Variants in C3orf20 observed in about 807,000 individuals in gnomAD.
The protein encoded by C3orf20 is uncharacterized protein C3orf20.
A neutral mutation model predicts 88.3 loss-of-function variants in C3orf20; 76 were observed. That is an observed-to-expected ratio of 0.86 (90% CI 0.72 to 1.04). The LOEUF (loss-of-function observed/expected upper bound fraction) is 1.04, where lower values mean the gene tolerates loss of function less well. Among genes scored for constraint, C3orf20 ranks in the 50% least tolerant of loss-of-function variants. The pLI, the probability that C3orf20 is intolerant of heterozygous loss-of-function variation, is 0.00. For missense variants in C3orf20, 1,056 were observed against 1,123.3 expected (o/e 0.94, Z 0.86); for synonymous variants, 436 against 437.4 (o/e 1.00, Z 0.04).
chr3:14,685,656 T>C (rs185516683), intron 4 of C3orf20, among the ~76,000 whole-genome samples: 11 of 152,230 alleles, frequency 7.2e-5, no homozygotes. Context: ...TTGACTAATA[T>C]CTTCCCACTC....
rs1412645678 is a variant in C3orf20, at chr3:14,719,026, AG to A, written c.1435-2626del. 2.6e-5 allele frequency among the ~76,000 whole-genome samples: 4 copies of A among 152,264 alleles called. No homozygotes were observed. In the East Asian group the frequency reaches 7.7e-4, roughly 29 times the overall value. On this transcript the variant is annotated intron_variant, in intron 9 of 16. Coordinates refer to ENST00000253697, the MANE Select transcript of C3orf20 (RefSeq NM_032137.5). ...TGACTGTGGCCTGCCTTCAGGCTAA[AG>A]CCGTAAACCTTATCCCATGCTGCTC...
rs548337012 is a variant in C3orf20, at chr3:14,714,299, G to A, written c.1313+140G>A. On this transcript the variant is annotated intron_variant, in intron 8 of 16. Coordinates refer to ENST00000253697, the MANE Select transcript of C3orf20 (RefSeq NM_032137.5). The stretch of plus-strand genomic sequence containing the variant: ...AGATCTAGTAAGGCAGTGAGGCAGG[G>A]CTGAGGCTGTTTCTGCAGGGACATA... 69 of 903,438 alleles carry A rather than the reference G, an allele frequency of 7.6e-5. No individual in the cohort carries two copies. In the South Asian group the frequency reaches 8.9e-4, roughly 12 times the overall value. 56.0% of individuals were successfully genotyped at this position (903,438 alleles called of 1,614,324 possible). A position where few individuals can be genotyped will look rare whatever the true frequency, so the allele number is the denominator to read the frequency against.
rs186230468 is a variant in C3orf20, at chr3:14,746,971, C to A, written c.1941-10400C>A. On this transcript the variant is annotated intron_variant, in intron 12 of 16. Coordinates refer to ENST00000253697, the MANE Select transcript of C3orf20 (RefSeq NM_032137.5). ...CCTAAGGGCAATTAACTAAACAAAT[C>A]AAAGGACAATGGGGGAACTGGGAAC... Among the ~76,000 whole-genome samples, 35 of 152,278 alleles carry A rather than the reference C, an allele frequency of 2.3e-4. No homozygotes were observed. The East Asian group carries it at 6.2e-3, about 27-fold the overall frequency.
chr3:14,746,695 A>C (rs1283449609), intron 12 of C3orf20, among the ~76,000 whole-genome samples: 1 of 152,172 alleles, frequency 6.6e-6, no homozygotes, highest in African/African-American at 2.4e-5. Context: ...GACACAATTG[A>C]GCAACAAAGA....
At chr3:14,690,197 G>A in intron 5 of C3orf20, 81 bp downstream of exon 5, 1 of 1,588,960 alleles carries the variant, frequency 6.3e-7, no homozygotes, top group Non-Finnish European at 8.6e-7. Context: ...CCCTGTGTAG[G>A]TTGGTGGGAT....
At chr3:14,688,050 G>A (rs921349091) in intron 4 of C3orf20, among the ~76,000 whole-genome samples, 1 of 152,168 alleles carries the variant, frequency 6.6e-6, no homozygotes, top group Non-Finnish European at 1.5e-5. Context: ...AAACGAAGGA[G>A]TGATCCATTT....
chr3:14,757,296 G>A (rs2035401809), intron 12 of C3orf20, 75 bp from the exon 13 acceptor site: 1 of 1,324,298 alleles, frequency 7.6e-7, no homozygotes, highest in Admixed American at 2.3e-5. Context: ...TGACCAGCAG[G>A]AGCCAGGGGG....
intron 7 of C3orf20, among the ~76,000 whole-genome samples, chr3:14,708,233 AT>A (rs1226283623): frequency 1.3e-5 from 2 of 152,162 alleles, no homozygotes; most frequent in Admixed American, 1.3e-4. Context: ...TTTCCTTTGC[AT>A]GTGGATAGCT....
chr3:14,713,930 T>G, intron 7 of C3orf20, 77 bp from the exon 8 acceptor site: 1 of 1,519,960 alleles, frequency 6.6e-7, no homozygotes, highest in Non-Finnish European at 9.0e-7. Flanking sequence ...CTTTGACATG[T>G]GGACTTGCTT....
chr3:14,703,761 A>G lies in C3orf20; in HGVS notation c.878+499A>G, dbSNP rs139013722. On this transcript the variant is annotated intron_variant, in intron 6 of 16. Coordinates refer to ENST00000253697, the MANE Select transcript of C3orf20 (RefSeq NM_032137.5). ...CTACCAGACAGACAAAAACCTCTCAAAACAAACCAAAAAGACCCTTGACAT... is the reference window on the plus strand; with the variant it reads ...CTACCAGACAGACAAAAACCTCTCAGAACAAACCAAAAAGACCCTTGACAT... Among the ~76,000 whole-genome samples the G allele has an allele frequency of 1.5e-4, 23 of 152,312 alleles. 1 individual carries two copies. Among genetic ancestry groups the G allele is most frequent in the African/African-American group, 5.1e-4 (21 of 41,570 alleles).
chr3:14,732,613 T>C (rs1413491434), intron 12 of C3orf20, among the ~76,000 whole-genome samples: 1 of 152,226 alleles, frequency 6.6e-6, no homozygotes, highest in African/African-American at 2.4e-5. Flanking sequence ...TATTTGGAGA[T>C]ATTTTTTATT....
At chr3:14,752,633 A>C (rs1320642942) in intron 12 of C3orf20, among the ~76,000 whole-genome samples, 1 of 152,228 alleles carries the variant, frequency 6.6e-6, no homozygotes, top group Admixed American at 6.5e-5. Context: ...ACTTAAACAA[A>C]TTTACAAGAA....
Position 14,768,380 on chromosome 3 carries a change from T to C in C3orf20, c.2496-3687T>C, listed in dbSNP as rs2035774307. On this transcript the variant is annotated intron_variant, in intron 15 of 16. Transcript: ENST00000253697. The surrounding 1 kb of genome is among the most constrained non-coding windows in gnomAD (Gnocchi z 4.1). ...GGAACAGCAATCCACCCTTACCGGC[T>C]GCTCATGCCAGCAACCCCACACCCC... Among the ~76,000 whole-genome samples, 1 of 151,972 alleles carries C rather than the reference T, an allele frequency of 6.6e-6. No homozygotes were observed. Among genetic ancestry groups the C allele is most frequent in the Non-Finnish European group, 1.5e-5 (1 of 68,008 alleles).
rs370996554 is a variant in C3orf20, at chr3:14,721,801, T to C, written c.1566+17T>C. ...GACAAACGGGTAAGGCAAGGCAGAC[T>C]ATGCACCCAGCCCTGACCCCTGGGC... On this transcript the variant is annotated intron_variant, in intron 10 of 16. Transcript: ENST00000253697. 2 of 1,613,962 alleles carry C rather than the reference T, an allele frequency of 1.2e-6. No homozygotes were observed. Among genetic ancestry groups the C allele is most frequent in the Non-Finnish European group, 1.7e-6 (2 of 1,179,894 alleles).
chr3:14,734,486 ACC>A (rs2034642588), intron 12 of C3orf20, among the ~76,000 whole-genome samples: 1 of 152,052 alleles, frequency 6.6e-6, no homozygotes, highest in African/African-American at 2.4e-5. Flanking sequence ...ACGTAATTAT[ACC>A]ATTTCGGGAT....
At chr3:14,736,274 G>C (rs981249778) in intron 12 of C3orf20, among the ~76,000 whole-genome samples, 1 of 147,080 alleles carries the variant, frequency 6.8e-6, no homozygotes, top group Non-Finnish European at 1.5e-5. Context: ...TTTGGGTTTT[G>C]CCTGAATATG....
In C3orf20 at chr3:14,723,864, C is replaced by T. The variant is rs532493359; in HGVS notation, c.1566+2080C>T. On this transcript the variant is annotated intron_variant, in intron 10 of 16. Transcript: ENST00000253697. ...TTTATTGAGACCAAGCCTTGTCTGT[C>T]GCCCAGACTGGAGTGCAGTGGTGCA... 3.3e-5 allele frequency among the ~76,000 whole-genome samples: 5 copies of T among 151,426 alleles called. No homozygotes were observed. In the South Asian group the frequency reaches 6.3e-4, roughly 19 times the overall value.
At chr3:14,679,164 G>C (rs2031948441) in intron 1 of C3orf20, among the ~76,000 whole-genome samples, 1 of 151,974 alleles carries the variant, frequency 6.6e-6, no homozygotes, top group African/African-American at 2.4e-5. Context: ...TTTCCTTTTT[G>C]TTTTTGTTTT....
rs2035562509 is a variant in C3orf20 at position 14,761,522 on chromosome 3, A to G, written c.2402A>G (p.Tyr801Cys). The change falls in exon 15 of 17, where the codon TAT becomes TGT. Residue 801 changes from tyrosine to cysteine, a missense_variant. By Grantham distance (194) the Tyr-to-Cys change is radical. Transcript: ENST00000253697. Reference sequence around the variant, plus strand: ...TTTGGGGGCCGTGTTTTGAATGGATATGGCCTCAGCAAGCAGAATCTGCTG... The same window carrying G: ...TTTGGGGGCCGTGTTTTGAATGGATGTGGCCTCAGCAAGCAGAATCTGCTG... ...LIFGGRVLNG[Y>C]GLSKQNLLKQ... is the part of the protein sequence containing the mutation. 6.2e-7 allele frequency: 1 copy of G among 1,613,990 alleles called. No individual in the cohort carries two copies. Among genetic ancestry groups the G allele is most frequent in the African/African-American group, 1.3e-5 (1 of 75,000 alleles).
Sources: allele counts gnomAD v4.1 joint callset (sites outside exome capture counted in the v4.1 genomes callset), GRCh38; gene constraint gnomAD v4.1.1; non-coding constraint Gnocchi (gnomAD v3.1); transcripts MANE v1.5; gene names NCBI Gene and HGNC (gene_info 2026-07-23, HGNC 2026-07-21).